USP14: variants seen among roughly 807,000 people sequenced by gnomAD.
USP14 encodes ubiquitin specific peptidase 14.
In USP14, 38 loss-of-function variants were observed where a neutral mutation model predicts 76.5. The observed-to-expected ratio is 0.50, with a 90% confidence interval of 0.38 to 0.65. The LOEUF (loss-of-function observed/expected upper bound fraction) is 0.65, where lower values mean the gene tolerates loss of function less well. Ranked by LOEUF, USP14 falls within the 30% of genes least tolerant of loss-of-function variation. USP14 has a pLI of 0.00. For missense variants in USP14, 467 were observed against 586.5 expected (o/e 0.80, Z 2.10); for synonymous variants, 192 against 191.7 (o/e 1.00, Z -0.01).
At chr18:171,696 T>G (rs1359231110) in intron 3 of USP14, among the ~76,000 whole-genome samples, 3 of 152,186 alleles carry the variant, frequency 2.0e-5, no homozygotes, top group African/African-American at 7.2e-5. Flanking sequence ...AGAGATACAT[T>G]TTGTAAGGCT....
At position 213,349 on chromosome 18, in the gene USP14, C is replaced by CATCA. The variant is rs1311911747; in HGVS notation, c.*2066_*2069dup. On this transcript the variant is annotated 3_prime_UTR_variant, in exon 16 of 16. Transcript: ENST00000261601. The stretch of plus-strand genomic sequence containing the variant: ...TTAAAAATTGTAATTAATTCCTTAT[C>CATCA]ATCATTATAAAAAGCTTGATTTTTT... 1.3e-5 allele frequency: 2 copies of CATCA among 151,854 alleles called. No homozygotes were observed. The highest frequency in any genetic ancestry group is 2.4e-5 in the African/African-American group (1 of 41,332). 9.4% of individuals were successfully genotyped at this position (151,854 alleles called of 1,614,324 possible).
At chr18:190,142 A>G (rs750865293) in intron 5 of USP14, among the ~76,000 whole-genome samples, 3 of 152,080 alleles carry the variant, frequency 2.0e-5, no homozygotes, top group Non-Finnish European at 2.9e-5. Flanking sequence ...GCTATATAGT[A>G]TAGTATTCCG....
chr18:173,313 A>C lies in USP14; in HGVS notation c.196-5620A>C, dbSNP rs144742342. 8.2e-3 allele frequency among the ~76,000 whole-genome samples: 1,244 copies of C among 151,412 alleles called. 9 individuals are homozygous for C. Among genetic ancestry groups the C allele is most frequent in the Non-Finnish European group, 0.012 (799 of 67,872 alleles). ...TTTTTAGTAGAGACGGGGTTTCACC[A>C]TGTTAGCCAGGATGGTCTCTATCTC... On this transcript the variant is annotated intron_variant, in intron 3 of 15. Transcript: ENST00000261601.
At chr18:166,636 A>C in intron 2 of USP14, 151 bp from the exon 3 acceptor site, 1 of 965,200 alleles carries the variant, frequency 1.0e-6, no homozygotes, top group Non-Finnish European at 1.4e-6. Context: ...CCTGGCCAAA[A>C]AAAATTTTTT....
At chr18:171,474 G>C (rs941597832) in intron 3 of USP14, among the ~76,000 whole-genome samples, 1 of 152,102 alleles carries the variant, frequency 6.6e-6, no homozygotes, top group Non-Finnish European at 1.5e-5. Flanking sequence ...ATGCCAGTAC[G>C]TCTGTTTATA....
In USP14 at chr18:214,417, G is replaced by C; in HGVS notation, c.*3133G>C. ...AAAAAAATATATTTTGTGATCTTGAGGTCACTTCGTTTAGGTCATTATCTC... is the reference window on the plus strand; with the variant it reads ...AAAAAAATATATTTTGTGATCTTGACGTCACTTCGTTTAGGTCATTATCTC... On this transcript the variant is annotated 3_prime_UTR_variant, in exon 16 of 16. Transcript: ENST00000261601. 1 of 498,876 alleles carries C rather than the reference G, an allele frequency of 2.0e-6. No individual in the cohort carries two copies. The highest frequency in any genetic ancestry group is 3.2e-5 in the East Asian group (1 of 31,694). The allele number at this position is 498,876 out of a possible 1,614,324, so 30.9% of individuals were successfully genotyped here.
chr18:190,270 A>G (rs922094132), intron 5 of USP14, among the ~76,000 whole-genome samples: 2 of 152,200 alleles, frequency 1.3e-5, no homozygotes, highest in African/African-American at 2.4e-5. Flanking sequence ...ATTTTTGGGC[A>G]CATGCATTTG....
intron 5 of USP14, among the ~76,000 whole-genome samples, chr18:186,782 C>T (rs980360475): frequency 2.0e-4 from 30 of 151,796 alleles, no homozygotes; most frequent in African/African-American, 7.0e-4. Flanking sequence ...TGAAGATTTG[C>T]GTTATATTTG....
intron 3 of USP14, among the ~76,000 whole-genome samples, chr18:177,110 C>G (rs1909648423): frequency 6.6e-6 from 1 of 151,970 alleles, no homozygotes; most frequent in East Asian, 1.9e-4. Context: ...TAAAAATATC[C>G]TTAAGTAAAG....
chr18:208,286 A>G (rs182041948), intron 13 of USP14, among the ~76,000 whole-genome samples: 1 of 152,238 alleles, frequency 6.6e-6, no homozygotes. Flanking sequence ...ATTTGTATGT[A>G]GAATTGTTTC....
At chr18:207,011 C>A (rs1910546715) in intron 13 of USP14, among the ~76,000 whole-genome samples, 2 of 152,148 alleles carry the variant, frequency 1.3e-5, no homozygotes, top group South Asian at 4.1e-4. Context: ...GGTGTGGGTT[C>A]AGATTCATTG....
chr18:211,252 G>A lies in USP14; in HGVS notation c.1453G>A (p.Val485Ile). The A allele has an allele frequency of 1.2e-6, 2 of 1,611,496 alleles. No individual in the cohort carries two copies. Among genetic ancestry groups the A allele is most frequent in the Non-Finnish European group, 1.7e-6 (2 of 1,178,638 alleles). The change falls in exon 16 of 16, where the codon GTT (valine) becomes ATT (isoleucine). Residue 485 changes from valine (V) to isoleucine (I), a missense_variant. Physicochemically the swap from Val to Ile is conservative, Grantham distance 29 (BLOSUM62 3). Coordinates refer to ENST00000261601, the MANE Select transcript of USP14 (RefSeq NM_005151.4). Reference sequence around the variant, plus strand: ...CGTTCTACTCTATGGGCCTCGCAGAGTTGAAATAATGGAAGAGGAAAGTGA... The same window carrying A: ...CGTTCTACTCTATGGGCCTCGCAGAATTGAAATAATGGAAGAGGAAAGTGA... ...AYVLLYGPRR[V>I]EIMEEESEQ
intron 5 of USP14, among the ~76,000 whole-genome samples, chr18:190,512 T>C (rs1910057558): frequency 6.6e-6 from 1 of 152,184 alleles, no homozygotes; most frequent in Non-Finnish European, 1.5e-5. Flanking sequence ...TAGAAACACA[T>C]ATATGAAAGC....
At chr18:179,682 G>A (rs1387957819) in intron 4 of USP14, among the ~76,000 whole-genome samples, 3 of 149,380 alleles carry the variant, frequency 2.0e-5, no homozygotes, top group Admixed American at 2.0e-4. Context: ...CAACTTCCTG[G>A]GTTCAAGTGA....
rs183631698 is a variant in USP14, at chr18:162,452, T to C, written c.17-856T>C. On this transcript the variant is annotated intron_variant, in intron 1 of 15. Coordinates refer to ENST00000261601, the MANE Select transcript of USP14 (RefSeq NM_005151.4). ...TAAATGATTTAGATATGTCTTTGGA[T>C]TTTTTCTTAATTGAGCACCTCTTGT... 3.7e-3 allele frequency among the ~76,000 whole-genome samples: 566 copies of C among 152,316 alleles called. 1 individual carries two copies. Among genetic ancestry groups the C allele is most frequent in the African/African-American group, 0.013 (529 of 41,562 alleles).
chr18:206,773 G>T (rs1031857837), intron 13 of USP14, among the ~76,000 whole-genome samples: 1 of 152,028 alleles, frequency 6.6e-6, no homozygotes, highest in Non-Finnish European at 1.5e-5. Context: ...TGGTGGTGCG[G>T]ACCTATAATC....
At chr18:208,934 CAG>C (rs1910599003) in intron 13 of USP14, among the ~76,000 whole-genome samples, 1 of 152,138 alleles carries the variant, frequency 6.6e-6, no homozygotes, top group African/African-American at 2.4e-5. Context: ...TTATTAGACA[CAG>C]GGTTTCATCA....
Position 211,766 on chromosome 18 carries a change from T to G in USP14, c.*482T>G, listed in dbSNP as rs1201741366. On this transcript the variant is annotated 3_prime_UTR_variant, in exon 16 of 16. Coordinates refer to ENST00000261601, the MANE Select transcript of USP14 (RefSeq NM_005151.4). Reference sequence around the variant, plus strand: ...GTGGAAAAGGAAGTGTTGCTCTCATTGTGTGACTCAGTGCTGCTGTCCATC... The same window carrying G: ...GTGGAAAAGGAAGTGTTGCTCTCATGGTGTGACTCAGTGCTGCTGTCCATC... 6.5e-6 allele frequency: 1 copy of G among 152,764 alleles called. No individual in the cohort carries two copies. The highest frequency in any genetic ancestry group is 1.5e-5 in the Non-Finnish European group (1 of 68,126). The allele number at this position is 152,764 out of a possible 1,614,324, so 9.5% of individuals were successfully genotyped here.
chr18:180,611 A>G (rs1444724957), intron 5 of USP14, among the ~76,000 whole-genome samples: 5 of 152,134 alleles, frequency 3.3e-5, no homozygotes, highest in East Asian at 1.9e-4. Context: ...GCCCTAGCCA[A>G]CCGTTCATCT....
Sources: allele counts gnomAD v4.1 joint callset (sites outside exome capture counted in the v4.1 genomes callset), GRCh38; gene constraint gnomAD v4.1.1; transcripts MANE v1.5; gene names NCBI Gene and HGNC (gene_info 2026-07-23, HGNC 2026-07-21).